ITGA9: variants seen among roughly 807,000 people sequenced by gnomAD.
The protein encoded by ITGA9 is integrin subunit alpha 9, also known as integrin alpha-9.
Under a neutral mutation model 127.8 loss-of-function variants are expected in ITGA9, and 56 were observed. That is an observed-to-expected ratio of 0.44 (90% CI 0.35 to 0.55). The LOEUF is 0.55. Ranked by LOEUF, ITGA9 falls within the 20% of genes least tolerant of loss-of-function variation. ITGA9 has a pLI of 0.00. For missense variants in ITGA9, 1,196 were observed against 1,347.1 expected (o/e 0.89, Z 1.76); for synonymous variants, 508 against 514.5 (o/e 0.99, Z 0.17).
chr3:37,568,830 A>C (rs1403884896), intron 15 of ITGA9, among the ~76,000 whole-genome samples: 4 of 152,198 alleles, frequency 2.6e-5, no homozygotes, highest in Admixed American at 6.5e-5. Flanking sequence ...GCCATTCAAC[A>C]AGTCTCTAGG....
At chr3:37,509,214 A>G (rs1698876697) in intron 8 of ITGA9, among the ~76,000 whole-genome samples, 1 of 152,272 alleles carries the variant, frequency 6.6e-6, no homozygotes, top group South Asian at 2.1e-4. Context: ...GGTCCTCCCC[A>G]CCCTGTCCCT....
chr3:37,614,235 T>G (rs916156875), intron 15 of ITGA9, among the ~76,000 whole-genome samples: 1 of 152,202 alleles, frequency 6.6e-6, no homozygotes, highest in Non-Finnish European at 1.5e-5. Context: ...CTTTCCCCAT[T>G]GCTTGTTTTC....
In ITGA9 at chr3:37,533,460, G is replaced by C. The variant is rs267561; in HGVS notation, c.1520G>C (p.Gly507Ala). The change falls in exon 14 of 28, where the codon GGA becomes GCA. Residue 507 changes from glycine to alanine, a missense_variant. Gly to Ala is a moderately conservative substitution (Grantham distance 60). Transcript: ENST00000264741. ...AGCTTCCATGGCAAACACGTTCCAG[G>C]AGAGATTGGTAATGAGCCACCAAGT... ...CFSFHGKHVP[G>A]EIGLNYVLMA... 2.5e-6 allele frequency: 4 copies of C among 1,613,622 alleles called. No homozygotes were observed. In the African/African-American group the frequency reaches 5.3e-5, roughly 22 times the overall value.
chr3:37,559,999 C>T (rs943908727), intron 15 of ITGA9, among the ~76,000 whole-genome samples: 7 of 152,150 alleles, frequency 4.6e-5, no homozygotes, highest in Non-Finnish European at 1.0e-4. Flanking sequence ...ATGTGCACAA[C>T]GTGCAGGTTT....
At chr3:37,579,274 G>T (rs1699680975) in intron 15 of ITGA9, among the ~76,000 whole-genome samples, 1 of 152,172 alleles carries the variant, frequency 6.6e-6, no homozygotes, top group Admixed American at 6.5e-5. Context: ...TTCAGCATTG[G>T]TATGGTGGCT....
chr3:37,484,822 T>A (rs753419190), intron 4 of ITGA9, among the ~76,000 whole-genome samples: 3 of 152,160 alleles, frequency 2.0e-5, no homozygotes, highest in Non-Finnish European at 2.9e-5. Flanking sequence ...CAAGGGTCTA[T>A]GAAGAGGACT....
At chr3:37,695,721 C>CTAGT (rs1468384190) in intron 18 of ITGA9, among the ~76,000 whole-genome samples, 10 of 152,218 alleles carry the variant, frequency 6.6e-5, no homozygotes, top group African/African-American at 2.4e-4. Flanking sequence ...TGAGCCTGTC[C>CTAGT]TGCTCTCCCA....
chr3:37,634,088 G>A (rs1347823611), intron 16 of ITGA9, among the ~76,000 whole-genome samples: 3 of 151,700 alleles, frequency 2.0e-5, no homozygotes, highest in Admixed American at 6.6e-5. Flanking sequence ...AAAACCTATA[G>A]TAATACAAAA....
intron 16 of ITGA9, among the ~76,000 whole-genome samples, chr3:37,633,425 G>T (rs1700245347): frequency 6.6e-6 from 1 of 152,102 alleles, no homozygotes; most frequent in South Asian, 2.1e-4. Context: ...AATGTGTTCA[G>T]AACACTTACA....
At chr3:37,608,764 C>T (rs574093268) in intron 15 of ITGA9, among the ~76,000 whole-genome samples, 17 of 152,188 alleles carry the variant, frequency 1.1e-4, no homozygotes, top group African/African-American at 3.9e-4. Context: ...GTGTTTTATA[C>T]GTCTAGAGGA....
chr3:37,711,322 T>C (rs559704721), intron 18 of ITGA9, among the ~76,000 whole-genome samples: 25 of 152,280 alleles, frequency 1.6e-4, no homozygotes, highest in African/African-American at 5.3e-4. Context: ...TGACTGACTT[T>C]CCCCAATGAA....
chr3:37,563,144 T>G (rs1699510717), intron 15 of ITGA9, among the ~76,000 whole-genome samples: 2 of 152,298 alleles, frequency 1.3e-5, no homozygotes, highest in South Asian at 4.1e-4. Context: ...AATGTTATCT[T>G]TTACATTTAG....
At position 37,512,024 on chromosome 3, in the gene ITGA9, T is replaced by TTTCTTTC. The variant is rs59709172; in HGVS notation, c.898-1737_898-1736insCTTTCTT. On this transcript the variant is annotated intron_variant, in intron 8 of 27. Transcript: ENST00000264741. ...TTTTCTTTTCTTTTCTTTTCTTTTC[T>TTTCTTTC]TTTCTTTCTTTCTTTCTTTCTTTCT... is the stretch of plus-strand genomic sequence containing the variant. Among the ~76,000 whole-genome samples, 95 of 31,876 alleles carry TTTCTTTC rather than the reference T, an allele frequency of 3.0e-3. 3 individuals carry two copies. The highest frequency in any genetic ancestry group is 1.0e-2 in the East Asian group (6 of 602). 20.9% of individuals were successfully genotyped at this position (31,876 alleles called of 152,430 possible).
chr3:37,646,133 G>A (rs151001031), intron 16 of ITGA9, among the ~76,000 whole-genome samples: 2 of 152,134 alleles, frequency 1.3e-5, no homozygotes, highest in Admixed American at 1.3e-4. Flanking sequence ...TCTAAAACAG[G>A]ATTCAACAAA....
At chr3:37,734,772 G>A (rs931034031) in intron 19 of ITGA9, among the ~76,000 whole-genome samples, 3 of 152,306 alleles carry the variant, frequency 2.0e-5, no homozygotes, top group East Asian at 3.9e-4. Context: ...GATTACAGGC[G>A]TGAGCCACCG....
At chr3:37,593,123 G>A (rs910752652) in intron 15 of ITGA9, among the ~76,000 whole-genome samples, 4 of 152,122 alleles carry the variant, frequency 2.6e-5, no homozygotes, top group African/African-American at 9.7e-5. Flanking sequence ...ATTGGTTCCA[G>A]GATTCCCAAT....
intron 17 of ITGA9, among the ~76,000 whole-genome samples, chr3:37,655,919 C>T (rs1700473190): frequency 6.6e-6 from 1 of 152,178 alleles, no homozygotes. Context: ...TATGGCTAAC[C>T]AGTTTTCCCA....
intron 25 of ITGA9, among the ~76,000 whole-genome samples, chr3:37,782,409 A>G (rs554663534): frequency 6.9e-4 from 105 of 152,354 alleles, no homozygotes; most frequent in African/African-American, 2.3e-3. Context: ...TTGCCAAGGA[A>G]CATGTCCCAG....
chr3:37,524,727 G>C (rs1313619844), intron 12 of ITGA9, among the ~76,000 whole-genome samples: 1 of 152,234 alleles, frequency 6.6e-6, no homozygotes, highest in East Asian at 1.9e-4. Flanking sequence ...AGGATGCTGA[G>C]ACTCATTGTG....
Sources: allele counts gnomAD v4.1 joint callset (sites outside exome capture counted in the v4.1 genomes callset), GRCh38; gene constraint gnomAD v4.1.1; transcripts MANE v1.5; gene names NCBI Gene and HGNC (gene_info 2026-07-23, HGNC 2026-07-21).